Variants in PALD1 observed in about 807,000 individuals in gnomAD.
PALD1 encodes paladin.
A neutral mutation model predicts 96.0 loss-of-function variants in PALD1; 57 were observed. That is an observed-to-expected ratio of 0.59 (90% CI 0.48 to 0.74). The LOEUF is 0.74. PALD1 is among the 30% of genes least tolerant of loss of function. The pLI is 0.00. For synonymous variants in PALD1, 464 were observed against 473.6 expected, an observed-to-expected ratio of 0.98 and a Z score of 0.26; for missense variants, 1,063 against 1,143.7, an observed-to-expected ratio of 0.93 and a Z score of 1.02.
chr10:70,517,950 C>T (rs1846651357), intron 1 of PALD1, among the ~76,000 whole-genome samples: 1 of 152,152 alleles, frequency 6.6e-6, no homozygotes, highest in Non-Finnish European at 1.5e-5. Context: ...GTTGCCCAGG[C>T]TGGAGTGCAA....
At chr10:70,501,711 A>ATACC (rs1554854845) in intron 1 of PALD1, among the ~76,000 whole-genome samples, 1 of 151,666 alleles carries the variant, frequency 6.6e-6, no homozygotes, top group Non-Finnish European at 1.5e-5. Context: ...GAAAATAAAG[A>ATACC]TATCCAGGAA....
At chr10:70,492,645 T>C (rs540349513) in intron 1 of PALD1, among the ~76,000 whole-genome samples, 1 of 151,870 alleles carries the variant, frequency 6.6e-6, no homozygotes, top group African/African-American at 2.4e-5. Flanking sequence ...TTAGTAGAGA[T>C]GGGGTTTCAC....
rs781513750 is a variant in PALD1, at chr10:70,557,930, C to CTTTTTTTTTTT, written c.2263-6424_2263-6414dup. 4.8e-3 allele frequency among the ~76,000 whole-genome samples: 445 copies of CTTTTTTTTTTT among 92,848 alleles called. 39 individuals carry two copies. The highest frequency in any genetic ancestry group is 0.012 in the East Asian group (45 of 3,868). 60.9% of individuals were successfully genotyped at this position (92,848 alleles called of 152,430 possible). A position where few individuals can be genotyped will look rare whatever the true frequency, so the allele number is the denominator to read the frequency against. On this transcript the variant is annotated intron_variant, in intron 18 of 19. Coordinates refer to ENST00000263563, the MANE Select transcript of PALD1 (RefSeq NM_014431.3). ...CTGAACCTGGCCTTGTTGGCTCTTCCTTTTTTTTTTTTTTTTTTTTAGAGA... is the reference window on the plus strand; with the variant it reads ...CTGAACCTGGCCTTGTTGGCTCTTCCTTTTTTTTTTTTTTTTTTTTTTTTTTTTTTTAGAGA...
At chr10:70,519,271 A>G (rs1021849370) in intron 1 of PALD1, among the ~76,000 whole-genome samples, 2 of 152,084 alleles carry the variant, frequency 1.3e-5, no homozygotes, top group Non-Finnish European at 2.9e-5. Flanking sequence ...TCAGGCTGCT[A>G]CGACAAAACG....
At chr10:70,463,737 C>A in the PALD1 span, among the ~76,000 whole-genome samples, 1 of 152,004 alleles carries the variant, frequency 6.6e-6, no homozygotes, top group East Asian at 1.9e-4. Flanking sequence ...TAGGGGGATG[C>A]AGTAGGGAGG....
intron 18 of PALD1, among the ~76,000 whole-genome samples, chr10:70,549,582 G>C (rs1468775882): frequency 1.3e-5 from 2 of 152,274 alleles, no homozygotes; most frequent in Non-Finnish European, 2.9e-5. Flanking sequence ...GCCTGGGAAG[G>C]CGCATCAGGT....
chr10:70,512,048 T>C (rs1442535503), intron 1 of PALD1, among the ~76,000 whole-genome samples: 2 of 152,060 alleles, frequency 1.3e-5, no homozygotes, highest in Non-Finnish European at 2.9e-5. Flanking sequence ...AAAAAGGCAT[T>C]GAATCCACCG....
intron 17 of PALD1, among the ~76,000 whole-genome samples, chr10:70,545,439 C>T (rs2132409280): frequency 6.6e-6 from 1 of 151,772 alleles, no homozygotes; most frequent in South Asian, 2.1e-4. Flanking sequence ...GGATGGGGGT[C>T]TGGATCAGGT....
rs191107771 is a variant in PALD1 at position 70,510,248 on chromosome 10, A to T, written c.-29-15675A>T. 4.7e-3 allele frequency among the ~76,000 whole-genome samples: 714 copies of T among 152,116 alleles called. 4 individuals are homozygous for T. Among genetic ancestry groups the T allele is most frequent in the African/African-American group, 0.017 (687 of 41,504 alleles). On this transcript the variant is annotated intron_variant, in intron 1 of 19. Transcript: ENST00000263563. ...AGCTCCTTGAAATGATGCTTTAGGT[A>T]CCTGGGAGATTGCTGGAGGTTGGAA...
intron 1 of PALD1, among the ~76,000 whole-genome samples, chr10:70,499,040 C>T (rs900624952): frequency 5.3e-5 from 8 of 152,172 alleles, no homozygotes; most frequent in African/African-American, 1.9e-4. Context: ...CTAGCACTTT[C>T]CTTACATTGT....
At chr10:70,520,255 T>C (rs187344531) in intron 1 of PALD1, among the ~76,000 whole-genome samples, 283 of 152,258 alleles carry the variant, frequency 1.9e-3, no homozygotes, top group Non-Finnish European at 1.3e-3. Context: ...TCAAGCTCAC[T>C]GGGCTTGACA....
chr10:70,538,901 G>A lies in PALD1; in HGVS notation c.1462G>A (p.Asp488Asn), dbSNP rs1387459102. ...GGTGCTCTCCCCACAGCGGGAGGAC[G>A]ATCTGGTCTCCCCGGACGCGCTCAG... is the stretch of plus-strand genomic sequence containing the variant. ...LIARGSLRED[D>N]LVSPDALSTV... The change falls in exon 13 of 20, where the codon GAT (aspartate) becomes AAT (asparagine). Residue 488 changes from aspartate to asparagine, a missense_variant. By Grantham distance (23) the Asp-to-Asn change is conservative. Transcript: ENST00000263563. 3.1e-6 allele frequency: 5 copies of A among 1,613,192 alleles called. No homozygotes were observed. The highest frequency in any genetic ancestry group is 1.3e-5 in the African/African-American group (1 of 75,064).
chr10:70,505,850 A>G (rs1170757133), intron 1 of PALD1, among the ~76,000 whole-genome samples: 1 of 149,898 alleles, frequency 6.7e-6, no homozygotes, highest in Non-Finnish European at 1.5e-5. Context: ...GCCAAACCCC[A>G]TATCTACCCA....
chr10:70,538,971 G>A lies in PALD1; in HGVS notation c.1532G>A (p.Arg511His), dbSNP rs771576118. 8 of 1,613,644 alleles carry A rather than the reference G, an allele frequency of 5.0e-6. No individual in the cohort carries two copies. Among genetic ancestry groups the A allele is most frequent in the Non-Finnish European group, 6.8e-6 (8 of 1,179,948 alleles). The change falls in exon 13 of 20, where the codon CGC becomes CAC. Residue 511 changes from arginine (R) to histidine (H), a missense_variant. Arg to His is a conservative substitution (Grantham distance 29, BLOSUM62 0). Transcript: ENST00000263563. ...MDVANFRRVP[R>H]MPIYGTAQPS... ...GTGGCCAACTTCCGGCGGGTGCCCC[G>A]CATGCCCATCTACGGCACGGCCCAG...
chr10:70,511,644 G>C (rs1846518183), intron 1 of PALD1, among the ~76,000 whole-genome samples: 1 of 152,208 alleles, frequency 6.6e-6, no homozygotes, highest in Admixed American at 6.5e-5. Flanking sequence ...ATCTGGTGCA[G>C]GCCTTCTTGC....
rs41306526 is a variant in PALD1 at position 70,567,496 on chromosome 10, C to T, written c.*763C>T. On this transcript the variant is annotated 3_prime_UTR_variant, in exon 20 of 20. Transcript: ENST00000263563. ...AGGCCTGCTCCACTTGTCTGGGAAC[C>T]TGGGCAGGAGGCACAGAGGAAGCCA... The T allele has an allele frequency of 0.012, 1,886 of 152,912 alleles. 43 individuals carry two copies. Among genetic ancestry groups the T allele is most frequent in the Non-Finnish European group, 0.01 (713 of 68,196 alleles). 9.5% of individuals were successfully genotyped at this position (152,912 alleles called of 1,614,324 possible). A position where few individuals can be genotyped will look rare whatever the true frequency, so the allele number is the denominator to read the frequency against.
chr10:70,461,619 T>C, the PALD1 span, among the ~76,000 whole-genome samples: 2 of 152,116 alleles, frequency 1.3e-5, no homozygotes, highest in Admixed American at 6.6e-5. Flanking sequence ...TGGGTACCCA[T>C]AGCAGTCCTC....
At chr10:70,533,880 T>G (rs1847049889) in intron 7 of PALD1, 42 bp from the exon 8 acceptor site, 2 of 1,510,314 alleles carry the variant, frequency 1.3e-6, no homozygotes, top group Non-Finnish European at 1.8e-6. Flanking sequence ...AGCCCAGGGT[T>G]TCCTGGTCTC....
intron 17 of PALD1, among the ~76,000 whole-genome samples, chr10:70,543,025 G>A (rs1404101804): frequency 3.3e-5 from 5 of 149,952 alleles, no homozygotes; most frequent in Non-Finnish European, 5.9e-5. Flanking sequence ...CACCCGCCTC[G>A]GCCTCCCAAA....
Sources: gnomAD v4.1 joint callset for allele counts (sites outside exome capture counted in the v4.1 genomes callset) on GRCh38, gnomAD v4.1.1 for gene constraint, MANE v1.5 for transcripts, NCBI Gene and HGNC (gene_info 2026-07-23, HGNC 2026-07-21) for gene names.